The following SARS1 variants were observed in gnomAD, a reference collection of about 807,000 sequenced individuals.
SARS1 encodes serine--tRNA ligase, cytoplasmic.
A neutral mutation model predicts 63.7 loss-of-function variants in SARS1; 25 were observed. That is an observed-to-expected ratio of 0.39 (90% CI 0.29 to 0.55). The LOEUF (loss-of-function observed/expected upper bound fraction) is 0.55. Ranked by LOEUF, SARS1 falls within the 20% of genes least tolerant of loss-of-function variation. The pLI is 0.62. For missense variants in SARS1, 417 were observed against 649.7 expected (o/e 0.64, Z 3.89); for synonymous variants, 231 against 243.5 (o/e 0.95, Z 0.48).
Position 109,235,948 on chromosome 1 carries a change from T to C in SARS1, c.970-29T>C. 1 of 1,584,358 alleles carries C rather than the reference T, an allele frequency of 6.3e-7. No homozygotes were observed. The highest frequency in any genetic ancestry group is 8.6e-7 in the Non-Finnish European group (1 of 1,166,266). ...GTCCTTTATTCACCCTATACCGCTG[T>C]CACCGTTTCCTTGGGTCCCTCTCTG... On this transcript the variant is annotated intron_variant, in intron 7 of 10. Transcript: ENST00000234677. The surrounding 1 kb of genome is among the most constrained non-coding windows in gnomAD (Gnocchi z 4.7).
At chr1:109,219,679 AT>A (rs541681993) in intron 1 of SARS1, among the ~76,000 whole-genome samples, 5 of 151,480 alleles carry the variant, frequency 3.3e-5, no homozygotes, top group Admixed American at 2.0e-4. Flanking sequence ...TGCCTGGCTA[AT>A]TTTTTTTGTA....
chr1:109,229,343 C>A, intron 3 of SARS1, 71 bp from the exon 4 acceptor site: 1 of 1,510,822 alleles, frequency 6.6e-7, no homozygotes, highest in Non-Finnish European at 9.0e-7. Context: ...AGGGTTAGGG[C>A]AACCGAATCA....
intron 1 of SARS1, among the ~76,000 whole-genome samples, chr1:109,221,996 ATATATATATATATAT>A (rs1557715370): frequency 0.044 from 532 of 12,086 alleles, 24 homozygotes; most frequent in Non-Finnish European, 0.057. Context: ...ATATATATAT[ATATATATATATATAT>A]TTTTTTTTTT....
intron 4 of SARS1, among the ~76,000 whole-genome samples, chr1:109,229,793 C>T (rs983453092): frequency 6.6e-6 from 1 of 152,184 alleles, no homozygotes; most frequent in African/African-American, 2.4e-5. Flanking sequence ...ACAGAAATCT[C>T]TTCTAAATAG....
intron 1 of SARS1, chr1:109,216,129 A>G: frequency 1.0e-6 from 1 of 985,454 alleles, no homozygotes; most frequent in East Asian, 1.1e-4. Flanking sequence ...CAAGGTAGAC[A>G]CTGGCAGATT....
chr1:109,230,581 C>T (rs771564502), intron 4 of SARS1, among the ~76,000 whole-genome samples: 26 of 152,066 alleles, frequency 1.7e-4, no homozygotes, highest in Admixed American at 5.9e-4. Flanking sequence ...CCTAGGCAGG[C>T]GGATCACTCG....
chr1:109,236,908 C>T (rs72701097), intron 9 of SARS1: 21,734 of 1,564,370 alleles, frequency 0.014, 287 homozygotes, highest in South Asian at 0.051. Context: ...ACCCAATTTT[C>T]AGGCCCTACT....
chr1:109,216,536 T>A (rs1654792930), intron 1 of SARS1: 2 of 985,306 alleles, frequency 2.0e-6, no homozygotes, highest in Non-Finnish European at 2.4e-6. Context: ...TAACTGGAAA[T>A]CTGCTGCAAA....
intron 1 of SARS1, among the ~76,000 whole-genome samples, chr1:109,222,003 TATA>T (rs1347251092): frequency 9.6e-4 from 11 of 11,450 alleles, no homozygotes; most frequent in African/African-American, 4.1e-3. Flanking sequence ...TATATATATA[TATA>T]TATATTTTTT....
intron 1 of SARS1, among the ~76,000 whole-genome samples, chr1:109,217,859 C>G (rs943979940): frequency 3.7e-4 from 56 of 152,050 alleles, no homozygotes; most frequent in African/African-American, 1.3e-3. Flanking sequence ...CACGCCCAGC[C>G]CCGAAATTAT....
In SARS1 at chr1:109,236,491, T is replaced by C. The variant is rs749468866; in HGVS notation, c.1200T>C (p.Asp400=). Residue 400 remains aspartate (D), a synonymous_variant, in exon 9 of 11, where the codon GAT becomes GAC. Transcript: ENST00000234677. ...RELVSCSNCT[D]YQARRLRIRY... ...TGGTCTCCTGTTCTAATTGCACGGA[T>C]TACCAGGCTCGCCGGCTTCGAATCC... 20 of 1,606,766 alleles carry C rather than the reference T, an allele frequency of 1.2e-5. No individual in the cohort carries two copies. Among genetic ancestry groups the C allele is most frequent in the Non-Finnish European group, 1.6e-5 (19 of 1,173,968 alleles).
intron 2 of SARS1, among the ~76,000 whole-genome samples, chr1:109,224,702 A>G (rs1295857386): frequency 6.6e-6 from 1 of 152,226 alleles, no homozygotes; most frequent in Non-Finnish European, 1.5e-5. Context: ...CTATGCCTGA[A>G]AAATACTATG....
At chr1:109,224,191 T>G (rs1330361083) in intron 2 of SARS1, 143 bp downstream of exon 2, 6 of 659,128 alleles carry the variant, frequency 9.1e-6, no homozygotes, top group Non-Finnish European at 1.6e-5. Context: ...AAATATTATT[T>G]TAAAAAGATA....
In SARS1 at chr1:109,218,898, A is replaced by ACTT. The variant is rs754581255; in HGVS notation, c.136+4770_136+4771insCTT. ...TTATTTTTATTGACATAGATACAGT[A>ACTT]AAGTACACAAATCTTAGTGTACAGG... On this transcript the variant is annotated intron_variant, in intron 1 of 10. Transcript: ENST00000234677. 1.6e-4 allele frequency among the ~76,000 whole-genome samples: 25 copies of ACTT among 152,192 alleles called. 1 individual carries two copies. The highest frequency in any genetic ancestry group is 1.0e-3 in the Admixed American group (16 of 15,288).
At position 109,237,628 on chromosome 1, in the gene SARS1, C is replaced by T. The variant is rs1372852458; in HGVS notation, c.1388-103C>T. 2 of 1,345,160 alleles carry T rather than the reference C, an allele frequency of 1.5e-6. No individual in the cohort carries two copies. The highest frequency in any genetic ancestry group is 2.2e-5 in the Admixed American group (1 of 45,544). 83.3% of individuals were successfully genotyped at this position (1,345,160 alleles called of 1,614,324 possible). A position where few individuals can be genotyped will look rare whatever the true frequency, so the allele number is the denominator to read the frequency against. Reference sequence around the variant, plus strand: ...AAACCAGTGCCTATCAAAGGGACCCCTCTGTTCAAAGGGATCATTGTCTTG... The same window carrying T: ...AAACCAGTGCCTATCAAAGGGACCCTTCTGTTCAAAGGGATCATTGTCTTG... On this transcript the variant is annotated intron_variant, in intron 10 of 10. Transcript: ENST00000234677. This position sits in a 1 kb window ranked among gnomAD's most constrained non-coding sequence, Gnocchi z 4.1.
chr1:109,219,776 A>G (rs1339635515), intron 1 of SARS1, among the ~76,000 whole-genome samples: 1 of 151,986 alleles, frequency 6.6e-6, no homozygotes, highest in Non-Finnish European at 1.5e-5. Flanking sequence ...GCCTCCCAAA[A>G]TGCTGGGATT....
At chr1:109,230,111 C>T (rs557168373) in intron 4 of SARS1, among the ~76,000 whole-genome samples, 1 of 152,068 alleles carries the variant, frequency 6.6e-6, no homozygotes, top group African/African-American at 2.4e-5. Context: ...GACCACGAGA[C>T]GACTCTGGAG....
At chr1:109,215,430 C>T (rs1425405061) in intron 1 of SARS1, 2 of 985,260 alleles carry the variant, frequency 2.0e-6, no homozygotes, top group Admixed American at 1.2e-4. Context: ...TGTCCCTTAT[C>T]TGAAAAGTAG....
In SARS1 at chr1:109,228,409, G is replaced by T; in HGVS notation, c.265G>T (p.Asp89Tyr). The T allele has an allele frequency of 1.9e-6, 3 of 1,612,936 alleles. No homozygotes were observed. Among genetic ancestry groups the T allele is most frequent in the South Asian group, 1.1e-5 (1 of 91,036 alleles). ...SVPENVLSFD[D>Y]LTADALANLK... ...CCCAGAGAATGTGCTGAGTTTCGAT[G>T]ACCTTACTGCAGACGCTTTAGCTGT... Residue 89 changes from aspartate (D) to tyrosine (Y), a missense_variant, in exon 3 of 11, where the codon GAC (aspartate) becomes TAC (tyrosine). This residue lies in a region of SARS1 where 359 missense variants were observed against 529.6 expected (regional missense o/e 0.68). Coordinates refer to ENST00000234677, the MANE Select transcript of SARS1 (RefSeq NM_006513.4).
Sources: allele counts gnomAD v4.1 joint callset (sites outside exome capture counted in the v4.1 genomes callset), GRCh38; gene constraint gnomAD v4.1.1; regional missense constraint gnomAD v4.1.1; non-coding constraint Gnocchi (gnomAD v3.1); transcripts MANE v1.5; gene names NCBI Gene and HGNC (gene_info 2026-07-23, HGNC 2026-07-21).